Variants in SYCP1 observed in about 807,000 individuals in gnomAD.
SYCP1 encodes cancer/testis antigen 8.
A neutral mutation model predicts 153.1 loss-of-function variants in SYCP1; 64 were observed. The ratio of observed to expected loss-of-function variants is 0.42; its 90% CI spans 0.34 to 0.51. The LOEUF (loss-of-function observed/expected upper bound fraction) is 0.51, where lower values mean the gene tolerates loss of function less well. SYCP1 is among the 20% of genes least tolerant of loss of function. The probability of loss-of-function intolerance (pLI) is 0.06; values close to 1 mark genes in which losing one functional copy is unlikely to be tolerated. For synonymous variants in SYCP1, 384 were observed against 341.8 expected (o/e 1.12, Z -1.36); for missense variants, 997 against 1,049.0 (o/e 0.95, Z 0.68).
rs1039902093 is a variant in SYCP1, at chr1:114,934,734, C to CA, written c.1926+8179dup. Among the ~76,000 whole-genome samples, 36 of 151,242 alleles carry CA rather than the reference C, an allele frequency of 2.4e-4. No homozygotes were observed. In the East Asian group the frequency reaches 2.5e-3, roughly 11 times the overall value. ...AAAGATCTACCAAGCAAATGGAAAA[C>CA]AAAAAAAAGCAGGGGTTGCCATCCC... On this transcript the variant is annotated intron_variant, in intron 23 of 31. Transcript: ENST00000369522.
At chr1:114,886,441 G>A (rs957772400) in intron 14 of SYCP1, 132 bp downstream of exon 14, 5 of 698,192 alleles carry the variant, frequency 7.2e-6, no homozygotes, top group African/African-American at 3.7e-5. Flanking sequence ...CAGGTCTCAT[G>A]TATAAAGTGG....
chr1:114,931,235 T>C (rs1669609404), intron 23 of SYCP1, among the ~76,000 whole-genome samples: 1 of 152,010 alleles, frequency 6.6e-6, no homozygotes, highest in South Asian at 2.1e-4. Context: ...CTATTCAACA[T>C]TGTACTGGAG....
chr1:114,968,128 A>G (rs1672253840), intron 27 of SYCP1, among the ~76,000 whole-genome samples: 1 of 152,006 alleles, frequency 6.6e-6, no homozygotes, highest in East Asian at 1.9e-4. Flanking sequence ...CTTCATTTCA[A>G]CCTTGGTGAA....
chr1:114,943,578 A>G (rs1466684506), intron 23 of SYCP1, among the ~76,000 whole-genome samples: 1 of 151,926 alleles, frequency 6.6e-6, no homozygotes, highest in African/African-American at 2.4e-5. Flanking sequence ...TCTATAAAGA[A>G]GAGTAAGGGA....
intron 2 of SYCP1, among the ~76,000 whole-genome samples, chr1:114,856,230 A>G (rs1486740940): frequency 1.3e-5 from 2 of 152,236 alleles, no homozygotes; most frequent in African/African-American, 4.8e-5. Context: ...TATTCAATAA[A>G]GACAATCTTT....
At chr1:114,912,142 A>G (rs549348054) in intron 18 of SYCP1, among the ~76,000 whole-genome samples, 7 of 151,896 alleles carry the variant, frequency 4.6e-5, no homozygotes, top group Non-Finnish European at 4.4e-5. Context: ...TAAACAGTTT[A>G]TGCAGCATCC....
intron 12 of SYCP1, among the ~76,000 whole-genome samples, chr1:114,882,788 C>A (rs1666045494): frequency 6.6e-6 from 1 of 152,130 alleles, no homozygotes; most frequent in African/African-American, 2.4e-5. Context: ...CCATTTGGGA[C>A]AACCTTAAGG....
intron 23 of SYCP1, among the ~76,000 whole-genome samples, chr1:114,936,265 C>T (rs567881569): frequency 7.2e-5 from 11 of 152,206 alleles, no homozygotes; most frequent in Non-Finnish European, 7.4e-5. Flanking sequence ...AATCAATAAA[C>T]GTAATCCATC....
intron 29 of SYCP1, among the ~76,000 whole-genome samples, chr1:114,983,446 T>A (rs10159017): frequency 0.048 from 7,360 of 152,062 alleles, 248 homozygotes; most frequent in African/African-American, 0.095. Context: ...TTTTCACTAG[T>A]GAGCCCTCAG....
At chr1:114,979,716 G>A (rs1673031388) in intron 28 of SYCP1, among the ~76,000 whole-genome samples, 1 of 151,638 alleles carries the variant, frequency 6.6e-6, no homozygotes, top group Non-Finnish European at 1.5e-5. Flanking sequence ...GCTAGAAAAA[G>A]GATTATGAAA....
chr1:114,912,931 C>G, intron 18 of SYCP1, 102 bp from the exon 19 acceptor site: 1 of 746,028 alleles, frequency 1.3e-6, no homozygotes, highest in Non-Finnish European at 2.2e-6. Context: ...GTTTTTCCCC[C>G]AGCCCTTCAT....
chr1:114,882,004 T>C (rs2762677), intron 12 of SYCP1, among the ~76,000 whole-genome samples: 3,620 of 152,284 alleles, frequency 0.024, 58 homozygotes, highest in South Asian at 0.034. Flanking sequence ...CTTCAGATAT[T>C]GTATTTGCTC....
chr1:114,958,857 G>A (rs1671605929), intron 27 of SYCP1, among the ~76,000 whole-genome samples: 1 of 150,792 alleles, frequency 6.6e-6, no homozygotes, highest in African/African-American at 2.4e-5. Context: ...ATGAACCTGG[G>A]AGGTGGAGCT....
At chr1:114,979,546 T>G (rs1164853987) in intron 28 of SYCP1, among the ~76,000 whole-genome samples, 3 of 151,728 alleles carry the variant, frequency 2.0e-5, no homozygotes, top group African/African-American at 7.3e-5. Context: ...GAACAATTTG[T>G]CCATTAAAGC....
chr1:114,923,092 A>G (rs905371520), intron 20 of SYCP1, among the ~76,000 whole-genome samples: 20 of 152,176 alleles, frequency 1.3e-4, no homozygotes, highest in African/African-American at 4.6e-4. Flanking sequence ...GTTGCTTTGT[A>G]TTTTGATATT....
intron 24 of SYCP1, 34 bp downstream of exon 24, chr1:114,944,489 T>C (rs752715744): frequency 2.5e-6 from 3 of 1,193,782 alleles, no homozygotes; most frequent in East Asian, 2.6e-5. Context: ...GAACTTATTA[T>C]ACTAAAAATC....
At chr1:114,879,054 A>G (rs1665737788) in intron 12 of SYCP1, among the ~76,000 whole-genome samples, 1 of 152,142 alleles carries the variant, frequency 6.6e-6, no homozygotes, top group Non-Finnish European at 1.5e-5. Context: ...TTTTTAGTAA[A>G]CTGACTGGTG....
chr1:114,989,697 A>G (rs1451333683), intron 30 of SYCP1, among the ~76,000 whole-genome samples: 1 of 151,996 alleles, frequency 6.6e-6, no homozygotes, highest in East Asian at 1.9e-4. Flanking sequence ...TAACCAAAAA[A>G]TAGCTGAAGT....
At chr1:114,944,828 G>T in intron 24 of SYCP1, 44 bp from the exon 25 acceptor site, 2 of 1,334,024 alleles carry the variant, frequency 1.5e-6, no homozygotes, top group Non-Finnish European at 2.1e-6. Flanking sequence ...TTTGTTTTTT[G>T]TGCATTTATT....
Sources: allele counts gnomAD v4.1 joint callset (sites outside exome capture counted in the v4.1 genomes callset), GRCh38; gene constraint gnomAD v4.1.1; transcripts MANE v1.5; gene names NCBI Gene and HGNC (gene_info 2026-07-23, HGNC 2026-07-21).